MYT1L: variants seen among roughly 807,000 people sequenced by gnomAD.
MYT1L encodes the protein myelin transcription factor 1-like protein.
A neutral mutation model predicts 126.7 loss-of-function variants in MYT1L; 12 were observed. The observed-to-expected ratio is 0.09, with a 90% CI of 0.06 to 0.15. The LOEUF (loss-of-function observed/expected upper bound fraction) is 0.15. Ranked by LOEUF, MYT1L falls within the 10% of genes least tolerant of loss-of-function variation. MYT1L has a pLI of 1.00. For missense variants in MYT1L, 979 were observed against 1,585.2 expected, an observed-to-expected ratio of 0.62 and a Z score of 6.49; for synonymous variants, 541 against 604.2, an observed-to-expected ratio of 0.90 and a Z score of 1.53.
intron 22 of MYT1L, among the ~76,000 whole-genome samples, chr2:1,808,466 CAAAT>C (rs753721425): frequency 1.2e-3 from 188 of 152,284 alleles, no homozygotes; most frequent in Non-Finnish European, 2.1e-3. Flanking sequence ...GGTGACCTCG[CAAAT>C]AGAGTCCCCA....
At chr2:2,110,257 C>T (rs1178482358) in intron 3 of MYT1L, among the ~76,000 whole-genome samples, 1 of 152,010 alleles carries the variant, frequency 6.6e-6, no homozygotes, top group Non-Finnish European at 1.5e-5. Flanking sequence ...TGCTCCAGTA[C>T]CTCCTACTAT....
intron 18 of MYT1L, among the ~76,000 whole-genome samples, chr2:1,860,473 G>A (rs1329853539): frequency 2.4e-4 from 36 of 152,342 alleles, no homozygotes; most frequent in East Asian, 1.9e-4. Context: ...CACATGCAAA[G>A]GGACCTCACT....
chr2:1,958,130 T>C (rs1233026185), intron 8 of MYT1L, among the ~76,000 whole-genome samples: 1 of 152,240 alleles, frequency 6.6e-6, no homozygotes, highest in Non-Finnish European at 1.5e-5. Context: ...GAACATTTTT[T>C]TTTTCTGTTT....
At chr2:1,990,734 C>G (rs1184937654) in intron 5 of MYT1L, among the ~76,000 whole-genome samples, 1 of 152,204 alleles carries the variant, frequency 6.6e-6, no homozygotes, top group Non-Finnish European at 1.5e-5. Context: ...AACGGCAGTT[C>G]TGTGTGGACT....
intron 1 of MYT1L, among the ~76,000 whole-genome samples, chr2:2,300,065 G>GA (rs776289543): frequency 2.6e-5 from 4 of 152,244 alleles, no homozygotes; most frequent in Non-Finnish European, 5.9e-5. Context: ...TTTATATCAG[G>GA]AAAAAACACA....
At chr2:2,236,073 C>A (rs1222832542) in intron 2 of MYT1L, among the ~76,000 whole-genome samples, 4 of 151,686 alleles carry the variant, frequency 2.6e-5, no homozygotes, top group African/African-American at 7.3e-5. Context: ...CCATTACATC[C>A]CAACCCAACC....
At position 2,059,403 on chromosome 2, in the gene MYT1L, G is replaced by A. The variant is rs548521066; in HGVS notation, c.-303-5280C>T. On this transcript the variant is annotated intron_variant, in intron 3 of 24. Transcript: ENST00000647738. The surrounding 1 kb of genome is among the most constrained non-coding windows in gnomAD (Gnocchi z 4.7). The stretch of plus-strand genomic sequence containing the variant: ...CGTGGCACCATAGTAAGCACCCGGC[G>A]GCGGTCTCACAGCACCGCAGGAAGC... Among the ~76,000 whole-genome samples the A allele has an allele frequency of 3.9e-5, 6 of 152,264 alleles. No individual in the cohort carries two copies. The highest frequency in any genetic ancestry group is 3.9e-4 in the East Asian group (2 of 5,158).
At position 2,195,850 on chromosome 2, in the gene MYT1L, TTAA is replaced by T. The variant is rs140201831; in HGVS notation, c.-420-22865_-420-22863del. ...AATGGGCTAGGAGAAACTACCAATATTAATATATAGTGATAAAATGGTAGAAAA... is the reference window on the plus strand; with the variant it reads ...AATGGGCTAGGAGAAACTACCAATATTATATAGTGATAAAATGGTAGAAAA... On this transcript the variant is annotated intron_variant, in intron 2 of 24. Coordinates refer to ENST00000647738, the MANE Select transcript of MYT1L (RefSeq NM_001303052.2). Among the ~76,000 whole-genome samples, 795 of 152,044 alleles carry T rather than the reference TTAA, an allele frequency of 5.2e-3. 29 individuals are homozygous for T. In the East Asian group the frequency reaches 0.073, roughly 14 times the overall value.
chr2:2,229,722 G>A (rs2094116095), intron 2 of MYT1L, among the ~76,000 whole-genome samples: 1 of 151,996 alleles, frequency 6.6e-6, no homozygotes, highest in African/African-American at 2.4e-5. Context: ...GTATATGTAT[G>A]TATATGCATA....
chr2:2,011,969 C>T (rs879821883), intron 4 of MYT1L, among the ~76,000 whole-genome samples: 9 of 152,168 alleles, frequency 5.9e-5, no homozygotes, highest in Non-Finnish European at 1.2e-4. Flanking sequence ...CAGAACATGC[C>T]TACGTTGCTG....
intron 4 of MYT1L, among the ~76,000 whole-genome samples, chr2:2,014,609 C>T (rs1339099353): frequency 2.0e-5 from 3 of 152,210 alleles, no homozygotes; most frequent in Non-Finnish European, 4.4e-5. Flanking sequence ...TCTGGGCATC[C>T]CGGATGGGCA....
chr2:1,934,307 T>TATATATATATATATATATATATACACAC (rs71276816), intron 9 of MYT1L, among the ~76,000 whole-genome samples: 3 of 132,126 alleles, frequency 2.3e-5, no homozygotes, highest in Admixed American at 7.5e-5. Context: ...TATATATATA[T>TATATATATATATATATATATATACACAC]ACAACCTCAT....
At chr2:2,079,811 CAA>C (rs1021232397) in intron 3 of MYT1L, among the ~76,000 whole-genome samples, 7 of 98,798 alleles carry the variant, frequency 7.1e-5, no homozygotes, top group African/African-American at 3.9e-5. Flanking sequence ...GACTCCGTCT[CAA>C]AAAAAAAAAA....
intron 18 of MYT1L, chr2:1,885,408 C>G (rs1226821143): frequency 1.3e-5 from 2 of 152,626 alleles, no homozygotes; most frequent in Non-Finnish European, 2.9e-5. Flanking sequence ...GAAGAAAGTT[C>G]CAAGGGTCTT....
chr2:2,295,593 C>CAG lies in MYT1L; in HGVS notation c.-520-11092_-520-11091dup, dbSNP rs376553600. On this transcript the variant is annotated intron_variant, in intron 1 of 24. Transcript: ENST00000647738. ...AGAGAGAGAGAGAGAGACAGACAGA[C>CAG]AGAGAGAGAGACAGACAGAGAGAGA... Among the ~76,000 whole-genome samples the CAG allele has an allele frequency of 8.0e-3, 167 of 20,804 alleles. 17 individuals are homozygous for CAG. The highest frequency in any genetic ancestry group is 0.011 in the Non-Finnish European group (123 of 10,908). 13.6% of individuals were successfully genotyped at this position (20,804 alleles called of 152,430 possible).
chr2:1,840,880 C>A, intron 19 of MYT1L, 37 bp from the exon 20 acceptor site: 1 of 1,241,486 alleles, frequency 8.1e-7, no homozygotes, highest in Non-Finnish European at 1.1e-6. Flanking sequence ...CACCCCACAC[C>A]GTTGATTTCA....
At chr2:2,275,614 C>T (rs2095345445) in intron 2 of MYT1L, among the ~76,000 whole-genome samples, 1 of 152,168 alleles carries the variant, frequency 6.6e-6, no homozygotes, top group Admixed American at 6.5e-5. Context: ...CTCTTTAAAA[C>T]ACCAGCTCCT....
chr2:2,162,062 C>T (rs2088051265), intron 3 of MYT1L, among the ~76,000 whole-genome samples: 1 of 152,256 alleles, frequency 6.6e-6, no homozygotes, highest in East Asian at 1.9e-4. Context: ...TGTTTCCGGC[C>T]AGAAGTCAGT....
intron 4 of MYT1L, among the ~76,000 whole-genome samples, chr2:2,014,458 G>A (rs1028814137): frequency 4.6e-5 from 7 of 152,164 alleles, no homozygotes; most frequent in African/African-American, 1.7e-4. Flanking sequence ...GCAGAGCTCA[G>A]CAGCAGCAGA....
Sources: allele counts gnomAD v4.1 joint callset (sites outside exome capture counted in the v4.1 genomes callset), GRCh38; gene constraint gnomAD v4.1.1; non-coding constraint Gnocchi (gnomAD v3.1); transcripts MANE v1.5; gene names NCBI Gene and HGNC (gene_info 2026-07-23, HGNC 2026-07-21).